The following JAK2 variants were observed in gnomAD, a reference collection of about 807,000 sequenced individuals.
JAK2 encodes the protein Janus kinase 2.
In JAK2, 86 loss-of-function variants were observed where a neutral mutation model predicts 139.3. The observed-to-expected ratio is 0.62, with a 90% CI of 0.52 to 0.74. The LOEUF is 0.74. JAK2 is among the 30% of genes least tolerant of loss of function. The probability of loss-of-function intolerance (pLI) is 0.00; values close to 1 mark genes in which losing one functional copy is unlikely to be tolerated. For missense variants in JAK2, 1,421 were observed against 1,360.3 expected (o/e 1.04, Z -0.70); for synonymous variants, 490 against 437.7 (o/e 1.12, Z -1.49).
intron 4 of JAK2, among the ~76,000 whole-genome samples, chr9:5,033,816 G>C (rs1823352552): frequency 6.6e-6 from 1 of 152,176 alleles, no homozygotes; most frequent in Admixed American, 6.5e-5. Flanking sequence ...TCGAGGCTAG[G>C]AAGAAACTGC....
At position 5,129,199 on chromosome 9, in the gene JAK2, G is replaced by A. The variant is rs1016938255; in HGVS notation, c.*2408G>A. Among the ~76,000 whole-genome samples the A allele has an allele frequency of 4.6e-5, 7 of 152,050 alleles. No homozygotes were observed. The East Asian group carries it at 1.3e-3, about 29-fold the overall frequency. Reference sequence around the variant, plus strand: ...TCTATAGAGCCAATCTTGATGGTGGGTGTGGCATTATGTGCTCACTTTATT... The same window carrying A: ...TCTATAGAGCCAATCTTGATGGTGGATGTGGCATTATGTGCTCACTTTATT... On this transcript the variant is annotated 3_prime_UTR_variant, in exon 25 of 25. Transcript: ENST00000381652.
At chr9:5,030,962 T>C (rs1048368760) in intron 4 of JAK2, among the ~76,000 whole-genome samples, 1 of 152,118 alleles carries the variant, frequency 6.6e-6, no homozygotes, top group African/African-American at 2.4e-5. Context: ...CAACCAGTTA[T>C]ATAATAGATA....
At chr9:5,061,191 G>A (rs1818148232) in intron 8 of JAK2, among the ~76,000 whole-genome samples, 1 of 152,186 alleles carries the variant, frequency 6.6e-6, no homozygotes, top group Non-Finnish European at 1.5e-5. Flanking sequence ...TGGGATTTTT[G>A]GAATGGTAAA....
At chr9:5,066,009 C>A (rs1818543396) in intron 9 of JAK2, among the ~76,000 whole-genome samples, 1 of 152,048 alleles carries the variant, frequency 6.6e-6, no homozygotes, top group African/African-American at 2.4e-5. Context: ...TGCCTTTATT[C>A]ATGTATCCAT....
intron 2 of JAK2, among the ~76,000 whole-genome samples, chr9:5,019,540 T>G (rs1433296947): frequency 6.6e-6 from 1 of 152,186 alleles, no homozygotes; most frequent in Non-Finnish European, 1.5e-5. Context: ...ATGAATTTCT[T>G]TTGCATTGGA....
At chr9:5,066,902 G>A (rs1460487782) in intron 10 of JAK2, 113 bp downstream of exon 10, 2 of 438,504 alleles carry the variant, frequency 4.6e-6, no homozygotes, top group African/African-American at 2.0e-5. Context: ...CTTTGGATAT[G>A]ATAACTAGTA....
At chr9:5,064,130 T>C (rs1818394497) in intron 8 of JAK2, among the ~76,000 whole-genome samples, 1 of 152,050 alleles carries the variant, frequency 6.6e-6, no homozygotes, top group Non-Finnish European at 1.5e-5. Context: ...CACTCCAGCC[T>C]GGGCGACAGA....
rs528191537 is a variant in JAK2 at position 5,041,799 on chromosome 9, C to G, written c.351-2604C>G. ...CCAGCCTCAGCTTCGGGACAAAGAT[C>G]AGCCGCACAGCAAAAACCAGGCGCT... On this transcript the variant is annotated intron_variant, in intron 4 of 24. Coordinates refer to ENST00000381652, the MANE Select transcript of JAK2 (RefSeq NM_004972.4). The G allele has an allele frequency of 1.5e-4, 71 of 485,822 alleles. 2 individuals carry two copies. Among genetic ancestry groups the G allele is most frequent in the Admixed American group, 1.3e-3 (55 of 43,542 alleles). 30.1% of individuals were successfully genotyped at this position (485,822 alleles called of 1,614,324 possible). A position where few individuals can be genotyped will look rare whatever the true frequency, so the allele number is the denominator to read the frequency against.
chr9:5,080,773 A>AT, intron 18 of JAK2, 90 bp downstream of exon 18: 1 of 988,494 alleles, frequency 1.0e-6, no homozygotes, highest in East Asian at 2.8e-5. Flanking sequence ...CCTTTAAAAC[A>AT]TTTTCTTGAT....
intron 2 of JAK2, among the ~76,000 whole-genome samples, chr9:5,021,045 C>G (rs1201854801): frequency 6.6e-6 from 1 of 152,124 alleles, no homozygotes; most frequent in Non-Finnish European, 1.5e-5. Context: ...GACGGGCTCT[C>G]TTGTGTCTGG....
chr9:5,027,813 T>TA (rs1473581246), intron 3 of JAK2, among the ~76,000 whole-genome samples: 7 of 152,292 alleles, frequency 4.6e-5, no homozygotes, highest in African/African-American at 1.7e-4. Flanking sequence ...AGCAATTCCT[T>TA]ATATGTCCAA....
intron 22 of JAK2, among the ~76,000 whole-genome samples, chr9:5,106,339 A>G (rs1821950261): frequency 6.6e-6 from 1 of 152,256 alleles, no homozygotes; most frequent in Non-Finnish European, 1.5e-5. Flanking sequence ...AATCAAAACC[A>G]CAATGAGATA....
At chr9:5,001,313 T>C (rs1358397870) in intron 2 of JAK2, among the ~76,000 whole-genome samples, 1 of 152,194 alleles carries the variant, frequency 6.6e-6, no homozygotes. Flanking sequence ...CATTAAGTAA[T>C]AGAAGGTTGT....
rs896104276 is a variant in JAK2, at chr9:5,072,514, C to G, written c.1664C>G (p.Thr555Ser). The G allele has an allele frequency of 8.8e-6, 14 of 1,594,224 alleles. No individual in the cohort carries two copies. Among genetic ancestry groups the G allele is most frequent in the African/African-American group, 1.3e-5 (1 of 74,204 alleles). ...LIFNESLGQG[T>S]FTKIFKGVRR... ...AAGAATGAAAGCCTTGGCCAAGGCA[C>G]TTTTACAAAGATTTTTAAAGGCGTA... is the stretch of plus-strand genomic sequence containing the variant. The change falls in exon 13 of 25, where the codon ACT (threonine) becomes AGT (serine). Residue 555 changes from threonine to serine, a missense_variant. Physicochemically the swap from Thr to Ser is moderately conservative, Grantham distance 58 (BLOSUM62 1). Transcript: ENST00000381652.
intron 2 of JAK2, among the ~76,000 whole-genome samples, chr9:5,018,922 T>C (rs1039370404): frequency 6.6e-6 from 1 of 152,190 alleles, no homozygotes; most frequent in Non-Finnish European, 1.5e-5. Context: ...AGACTCTTTT[T>C]TCTTGCTGTT....
intron 8 of JAK2, among the ~76,000 whole-genome samples, chr9:5,062,850 C>T (rs1271557476): frequency 2.6e-5 from 4 of 152,196 alleles, no homozygotes; most frequent in African/African-American, 7.2e-5. Flanking sequence ...GTTTATAGGT[C>T]AGCTTTAATA....
chr9:5,095,470 G>A lies in JAK2; in HGVS notation c.3059+4559G>A, dbSNP rs565992598. ...TATCCTTTTCAACAACCCGTCCTCC[G>A]GGCAATGGACAATAATAAACACTAC... On this transcript the variant is annotated intron_variant, in intron 22 of 24. Transcript: ENST00000381652. Among the ~76,000 whole-genome samples, 12 of 151,966 alleles carry A rather than the reference G, an allele frequency of 7.9e-5. No homozygotes were observed. In the East Asian group the frequency reaches 1.2e-3, roughly 15 times the overall value.
intron 2 of JAK2, among the ~76,000 whole-genome samples, chr9:5,003,357 G>A (rs1022764454): frequency 2.0e-5 from 3 of 151,878 alleles, no homozygotes; most frequent in African/African-American, 7.2e-5. Context: ...TATCAGCATG[G>A]TCTATCCCTC....
chr9:5,022,350 A>G, intron 3 of JAK2, 137 bp downstream of exon 3: 1 of 587,068 alleles, frequency 1.7e-6, no homozygotes, highest in Non-Finnish European at 2.9e-6. Context: ...TTTCACATGC[A>G]TAGAAAATGA....
Sources: gnomAD v4.1 joint callset for allele counts (sites outside exome capture counted in the v4.1 genomes callset) on GRCh38, gnomAD v4.1.1 for gene constraint, MANE v1.5 for transcripts, NCBI Gene and HGNC (gene_info 2026-07-23, HGNC 2026-07-21) for gene names.